RSF1: variants seen among roughly 807,000 people sequenced by gnomAD.
RSF1 encodes remodeling and spacing factor 1.
RSF1 carries 13 observed loss-of-function variants against 145.2 expected under a neutral mutation model. The observed-to-expected ratio is 0.09, with a 90% CI of 0.06 to 0.14. The LOEUF is 0.14. RSF1 is among the 10% of genes least tolerant of loss of function. RSF1 has a pLI of 1.00. For synonymous variants in RSF1, 577 were observed against 592.6 expected, an observed-to-expected ratio of 0.97 and a Z score of 0.38; for missense variants, 1,517 against 1,718.2, an observed-to-expected ratio of 0.88 and a Z score of 2.07.
At position 77,666,758 on chromosome 11, in the gene RSF1, G is replaced by T; in HGVS notation, c.*159C>A. 2.0e-6 allele frequency: 1 copy of T among 502,156 alleles called. No individual in the cohort carries two copies. 31.1% of individuals were successfully genotyped at this position (502,156 alleles called of 1,614,324 possible). ...TTATTTATCTTCAAAGTTCAGAACTGGTCACTTCACAGAAAGACTTCAGGA... is the reference window on the plus strand; with the variant it reads ...TTATTTATCTTCAAAGTTCAGAACTTGTCACTTCACAGAAAGACTTCAGGA... On this transcript the variant is annotated 3_prime_UTR_variant, in exon 16 of 16. Transcript: ENST00000308488.
intron 1 of RSF1, among the ~76,000 whole-genome samples, chr11:77,800,506 GA>G (rs1565184778): frequency 1.3e-5 from 2 of 151,822 alleles, no homozygotes; most frequent in Non-Finnish European, 2.9e-5. Context: ...AAAAAGAAAA[GA>G]AAAAAGTATT....
chr11:77,684,743 T>C (rs1959957924), intron 10 of RSF1, among the ~76,000 whole-genome samples: 1 of 152,152 alleles, frequency 6.6e-6, no homozygotes, highest in Admixed American at 6.5e-5. Context: ...ATCCCAGCAC[T>C]TTGGGAGACC....
chr11:77,722,221 C>G lies in RSF1; in HGVS notation c.733+3324G>C, dbSNP rs1362218331. Among the ~76,000 whole-genome samples, 5 of 152,084 alleles carry G rather than the reference C, an allele frequency of 3.3e-5. No homozygotes were observed. The East Asian group carries it at 5.8e-4, about 18-fold the overall frequency. On this transcript the variant is annotated intron_variant, in intron 5 of 15. Transcript: ENST00000308488. ...CAGAAAAACAAAGAGAATGAAATGT[C>G]CTGCTCCTCCTCTTCTACTTTTTCA... is the stretch of plus-strand genomic sequence containing the variant.
At chr11:77,731,870 T>C (rs987972247) in intron 4 of RSF1, among the ~76,000 whole-genome samples, 2 of 152,128 alleles carry the variant, frequency 1.3e-5, no homozygotes, top group Non-Finnish European at 2.9e-5. Flanking sequence ...CCTGCAGGGG[T>C]TGGGGGCCCT....
chr11:77,753,211 A>C lies in RSF1; in HGVS notation c.280-6083T>G, dbSNP rs565519250. On this transcript the variant is annotated intron_variant, in intron 2 of 15. Coordinates refer to ENST00000308488, the MANE Select transcript of RSF1 (RefSeq NM_016578.4). Reference sequence around the variant, plus strand: ...CGAATTCTTTCTTGTGCAAGCTCCAAGAACACTCTCTTGGGGTCTGGATTG... The same window carrying C: ...CGAATTCTTTCTTGTGCAAGCTCCACGAACACTCTCTTGGGGTCTGGATTG... Among the ~76,000 whole-genome samples, 3 of 152,348 alleles carry C rather than the reference A, an allele frequency of 2.0e-5. No homozygotes were observed. The South Asian group carries it at 6.2e-4, about 32-fold the overall frequency.
At chr11:77,834,440 T>TG in the RSF1 span, among the ~76,000 whole-genome samples, 11 of 130,222 alleles carry the variant, frequency 8.4e-5, 1 homozygote, top group South Asian at 4.6e-4. Flanking sequence ...AAGTTGATTT[T>TG]GTTTTTTTTT....
chr11:77,678,190 T>C, intron 11 of RSF1, 37 bp from the exon 12 acceptor site: 1 of 899,200 alleles, frequency 1.1e-6, no homozygotes, highest in Non-Finnish European at 1.5e-6. Context: ...TAGCCTGTCC[T>C]GGCTTTTTTT....
At chr11:77,770,351 A>G (rs927509929) in intron 1 of RSF1, among the ~76,000 whole-genome samples, 4 of 152,128 alleles carry the variant, frequency 2.6e-5, no homozygotes, top group African/African-American at 9.7e-5. Context: ...AGTCCCAGCT[A>G]CTCGGGAGGC....
chr11:77,844,030 TTCCTC>T, the RSF1 span, among the ~76,000 whole-genome samples: 5 of 151,990 alleles, frequency 3.3e-5, no homozygotes, highest in African/African-American at 1.2e-4. Flanking sequence ...TCCCACCGAG[TTCCTC>T]TCACAATATG....
At chr11:77,746,428 CT>C (rs1276026716) in intron 3 of RSF1, among the ~76,000 whole-genome samples, 1 of 152,104 alleles carries the variant, frequency 6.6e-6, no homozygotes, top group African/African-American at 2.4e-5. Context: ...ATCTTGAGGT[CT>C]TTTGAATAAG....
chr11:77,846,007 A>G, the RSF1 span, among the ~76,000 whole-genome samples: 2 of 139,686 alleles, frequency 1.4e-5, no homozygotes, highest in Admixed American at 1.4e-4. Flanking sequence ...TATATTTCTC[A>G]TTTTTTTTTT....
At chr11:77,791,219 C>T (rs1256558781) in intron 1 of RSF1, among the ~76,000 whole-genome samples, 2 of 152,198 alleles carry the variant, frequency 1.3e-5, no homozygotes, top group Non-Finnish European at 2.9e-5. Flanking sequence ...CCCACAGGCT[C>T]AACACCAAAT....
chr11:77,754,459 G>T (rs890804792), intron 2 of RSF1, among the ~76,000 whole-genome samples: 3 of 151,910 alleles, frequency 2.0e-5, no homozygotes, highest in African/African-American at 7.3e-5. Context: ...AAAAATTAGG[G>T]CTTGGTATGT....
rs147884223 is a variant in RSF1, at chr11:77,750,274, A to C, written c.280-3146T>G. On this transcript the variant is annotated intron_variant, in intron 2 of 15. Transcript: ENST00000308488. ...CCCGGGGTAAGCAAGTTTTTCCTCA[A>C]GGCCCAAACAAGAAATAATTTAGGC... Among the ~76,000 whole-genome samples the C allele has an allele frequency of 1.8e-3, 274 of 152,306 alleles. 3 individuals carry two copies. Among genetic ancestry groups the C allele is most frequent in the Non-Finnish European group, 3.4e-4 (23 of 68,022 alleles).
chr11:77,817,386 C>T (rs184077916), intron 1 of RSF1, among the ~76,000 whole-genome samples: 12 of 152,290 alleles, frequency 7.9e-5, no homozygotes, highest in Non-Finnish European at 1.5e-4. Context: ...AATTTTACCA[C>T]AGCAACCGCT....
Position 77,691,225 on chromosome 11 carries a change from T to C in RSF1, c.2834A>G (p.Glu945Gly), listed in dbSNP as rs1391478453. 6.2e-7 allele frequency: 1 copy of C among 1,614,170 alleles called. No individual in the cohort carries two copies. The highest frequency in any genetic ancestry group is 8.5e-7 in the Non-Finnish European group (1 of 1,180,026). Residue 945 changes from glutamate to glycine, a missense_variant, in exon 9 of 16, where the codon GAA becomes GGA. Glu to Gly is a moderately conservative substitution (Grantham distance 98, BLOSUM62 -2). Around this residue, in one of 12 missense-constraint regions of RSF1, gnomAD observed 29 missense variants for 102.3 expected, o/e 0.28. Coordinates refer to ENST00000308488, the MANE Select transcript of RSF1 (RefSeq NM_016578.4). Reference sequence around the variant, plus strand: ...ATCCTGCAACTGTTCCTCTAATTTTTCACAGAGCAGTTTCTGAAGAAGCAA... The same window carrying C: ...ATCCTGCAACTGTTCCTCTAATTTTCCACAGAGCAGTTTCTGAAGAAGCAA... ...CPPCQHKLLC[E>G]KLEEQLQDLD...
At chr11:77,695,609 T>C (rs1960260920) in intron 7 of RSF1, among the ~76,000 whole-genome samples, 1 of 152,080 alleles carries the variant, frequency 6.6e-6, no homozygotes, top group East Asian at 1.9e-4. Context: ...TTCCTTACTT[T>C]CTGGCACAAC....
At chr11:77,766,788 T>C (rs575874592) in intron 1 of RSF1, among the ~76,000 whole-genome samples, 6 of 152,184 alleles carry the variant, frequency 3.9e-5, no homozygotes, top group Admixed American at 6.5e-5. Flanking sequence ...AATGATTGAA[T>C]TGGAGGAAGA....
intron 5 of RSF1, among the ~76,000 whole-genome samples, chr11:77,716,860 T>C (rs1290100679): frequency 1.3e-5 from 2 of 152,116 alleles, no homozygotes; most frequent in Non-Finnish European, 2.9e-5. Context: ...CATAAATATA[T>C]ACAACTTTTC....
Sources: allele counts gnomAD v4.1 joint callset (sites outside exome capture counted in the v4.1 genomes callset), GRCh38; gene constraint gnomAD v4.1.1; regional missense constraint gnomAD v4.1.1; transcripts MANE v1.5; gene names NCBI Gene and HGNC (gene_info 2026-07-23, HGNC 2026-07-21).